HSDL1: variants seen among roughly 807,000 people sequenced by gnomAD.
The protein encoded by HSDL1 is inactive hydroxysteroid dehydrogenase-like protein 1.
A neutral mutation model predicts 31.5 loss-of-function variants in HSDL1; 29 were observed. The ratio of observed to expected loss-of-function variants is 0.92; its 90% CI spans 0.69 to 1.26. HSDL1 has a LOEUF of 1.26. Ranked by LOEUF, HSDL1 falls within the 50% of genes most tolerant of loss-of-function variation. HSDL1 has a pLI of 0.00. For synonymous variants in HSDL1, 222 were observed against 155.2 expected (o/e 1.43, Z -3.20); for missense variants, 503 against 416.6 (o/e 1.21, Z -1.81).
chr16:84,125,899 C>T (rs1317702880), intron 5 of HSDL1, among the ~76,000 whole-genome samples: 1 of 152,104 alleles, frequency 6.6e-6, no homozygotes, highest in Non-Finnish European at 1.5e-5. Flanking sequence ...GTCAGGAGAT[C>T]GAGACCATCC....
At chr16:84,133,281 A>G (rs1462474487) in intron 2 of HSDL1, among the ~76,000 whole-genome samples, 1 of 152,250 alleles carries the variant, frequency 6.6e-6, no homozygotes, top group African/African-American at 2.4e-5. Context: ...TACACAAGAA[A>G]TATGACTGAA....
chr16:84,131,449 C>CT, intron 2 of HSDL1, 122 bp from the exon 3 acceptor site: 3 of 682,906 alleles, frequency 4.4e-6, no homozygotes, highest in Non-Finnish European at 7.9e-6. Flanking sequence ...TCAAATAACA[C>CT]TAACTTTTCA....
At chr16:84,137,517 A>AG (rs2086723948) in intron 1 of HSDL1, among the ~76,000 whole-genome samples, 1 of 151,994 alleles carries the variant, frequency 6.6e-6, no homozygotes, top group Non-Finnish European at 1.5e-5. Context: ...GCAGGGGAGG[A>AG]GGGGGGCTCC....
rs908616375 is a variant in HSDL1, at chr16:84,124,190, G to A, written c.*440C>T. ...TTTCCTAATAGTACCAGCAATCTTA[G>A]TTACAAAATAATACTTTTCAGTAGT... On this transcript the variant is annotated 3_prime_UTR_variant, in exon 6 of 6. Coordinates refer to ENST00000219439, the MANE Select transcript of HSDL1 (RefSeq NM_031463.5). 3 of 164,642 alleles carry A rather than the reference G, an allele frequency of 1.8e-5. No homozygotes were observed. Among genetic ancestry groups the A allele is most frequent in the Admixed American group, 1.2e-4 (2 of 17,124 alleles). The allele number at this position is 164,642 out of a possible 1,614,324, so 10.2% of individuals were successfully genotyped here. A position where few individuals can be genotyped will look rare whatever the true frequency, so the allele number is the denominator to read the frequency against.
rs540043846 is a variant in HSDL1 at position 84,122,577 on chromosome 16, C to T, written c.*2053G>A. The T allele has an allele frequency of 3.3e-5, 5 of 152,308 alleles. No individual in the cohort carries two copies. The highest frequency in any genetic ancestry group is 1.2e-4 in the African/African-American group (5 of 41,542). 9.4% of individuals were successfully genotyped at this position (152,308 alleles called of 1,614,324 possible). Reference sequence around the variant, plus strand: ...GTGTTCCCCAGGCTGGTCTCGACCTCCTGGGATCAAGCGATCCACCTGCCC... The same window carrying T: ...GTGTTCCCCAGGCTGGTCTCGACCTTCTGGGATCAAGCGATCCACCTGCCC... On this transcript the variant is annotated 3_prime_UTR_variant, in exon 6 of 6. Transcript: ENST00000219439.
rs771354571 is a variant in HSDL1, at chr16:84,130,310, C to A, written c.342G>T (p.Thr114=). 10 of 1,614,104 alleles carry A rather than the reference C, an allele frequency of 6.2e-6. No individual in the cohort carries two copies. The highest frequency in any genetic ancestry group is 3.3e-4 in the Middle Eastern group (2 of 6,084). ...CTATAATATCAGTTTCCACTTTGTA[C>A]GTGTCGGCTATGTCTTTAGCAACAA... ...LQVVAKDIAD[T]YKVETDIIVA... is the part of the protein sequence containing the mutation. The change falls in exon 4 of 6, where the codon ACG becomes ACT. Residue 114 remains threonine, a synonymous_variant. Coordinates refer to ENST00000219439, the MANE Select transcript of HSDL1 (RefSeq NM_031463.5).
rs1422018680 is a variant in HSDL1 at position 84,129,616 on chromosome 16, C to T, written c.826G>A (p.Ala276Thr). The change falls in exon 5 of 6, where the codon GCA (alanine) becomes ACA (threonine). Residue 276 changes from alanine to threonine, a missense_variant. Coordinates refer to ENST00000219439, the MANE Select transcript of HSDL1 (RefSeq NM_031463.5). ...CCAAGAGTAGAAACAGCATGATGTG[C>T]ATAGACTTTTGGCGAAGGCACCAAC... ...SWLVPSPKVY[A>T]HHAVSTLGIS... 3 of 1,614,064 alleles carry T rather than the reference C, an allele frequency of 1.9e-6. No homozygotes were observed. Among genetic ancestry groups the T allele is most frequent in the African/African-American group, 2.7e-5 (2 of 74,916 alleles).
Position 84,130,337 on chromosome 16 carries a change from C to T in HSDL1, c.315G>A (p.Gln105=). 1 of 1,614,228 alleles carries T rather than the reference C, an allele frequency of 6.2e-7. No individual in the cohort carries two copies. The highest frequency in any genetic ancestry group is 8.5e-7 in the Non-Finnish European group (1 of 1,180,042). Residue 105 remains glutamine (Q), a synonymous_variant, in exon 4 of 6, where the codon CAG becomes CAA. Coordinates refer to ENST00000219439, the MANE Select transcript of HSDL1 (RefSeq NM_031463.5). Reference sequence around the variant, plus strand: ...TGTCGGCTATGTCTTTAGCAACAACCTGCAACTTCTCCTCGTTCCGACTAA... The same window carrying T: ...TGTCGGCTATGTCTTTAGCAACAACTTGCAACTTCTCCTCGTTCCGACTAA... ...ILISRNEEKL[Q]VVAKDIADTY...
chr16:84,131,376 G>GA, intron 2 of HSDL1, 49 bp from the exon 3 acceptor site: 3 of 1,316,386 alleles, frequency 2.3e-6, no homozygotes, highest in Non-Finnish European at 3.3e-6. Context: ...ATAAATTAAA[G>GA]GAACATACAC....
intron 1 of HSDL1, among the ~76,000 whole-genome samples, chr16:84,142,134 C>T (rs2086774513): frequency 6.6e-6 from 1 of 152,066 alleles, no homozygotes; most frequent in Non-Finnish European, 1.5e-5. Context: ...CACCATGTTG[C>T]CCAGGCTGGT....
At chr16:84,130,493 C>G in intron 3 of HSDL1, 62 bp from the exon 4 acceptor site, 3 of 1,350,752 alleles carry the variant, frequency 2.2e-6, no homozygotes, top group Non-Finnish European at 3.1e-6. Flanking sequence ...TAAAATGGAC[C>G]CAAAGTACCC....
At chr16:84,141,873 G>C (rs1399939500) in intron 1 of HSDL1, among the ~76,000 whole-genome samples, 2 of 151,920 alleles carry the variant, frequency 1.3e-5, no homozygotes, top group Admixed American at 6.6e-5. Flanking sequence ...AAATATTCTA[G>C]ATACTAGCTC....
Position 84,123,013 on chromosome 16 carries a change from C to T in HSDL1, c.*1617G>A, listed in dbSNP as rs1198822905. 3 of 152,228 alleles carry T rather than the reference C, an allele frequency of 2.0e-5. No homozygotes were observed. Among genetic ancestry groups the T allele is most frequent in the East Asian group, 3.8e-4 (2 of 5,206 alleles). 9.4% of individuals were successfully genotyped at this position (152,228 alleles called of 1,614,324 possible). A position where few individuals can be genotyped will look rare whatever the true frequency, so the allele number is the denominator to read the frequency against. On this transcript the variant is annotated 3_prime_UTR_variant, in exon 6 of 6. Coordinates refer to ENST00000219439, the MANE Select transcript of HSDL1 (RefSeq NM_031463.5). ...CATGAAGTTGCTGCTGCTTATTATACATCAAAGTTCACGTCAATGTGGCAT... is the reference window on the plus strand; with the variant it reads ...CATGAAGTTGCTGCTGCTTATTATATATCAAAGTTCACGTCAATGTGGCAT...
intron 1 of HSDL1, among the ~76,000 whole-genome samples, chr16:84,142,203 C>T (rs1414645343): frequency 6.6e-6 from 1 of 152,092 alleles, no homozygotes; most frequent in African/African-American, 2.4e-5. Context: ...GCTGGGATTA[C>T]AGGTGGGAGC....
In HSDL1 at chr16:84,122,931, A is replaced by G. The variant is rs370727030; in HGVS notation, c.*1699T>C. ...GATGGATTCCATACCTAATTTATCA[A>G]TCTAAGACATTACTGGACCACGTAA... On this transcript the variant is annotated 3_prime_UTR_variant, in exon 6 of 6. Coordinates refer to ENST00000219439, the MANE Select transcript of HSDL1 (RefSeq NM_031463.5). 2.6e-5 allele frequency: 4 copies of G among 152,136 alleles called. No individual in the cohort carries two copies. Among genetic ancestry groups the G allele is most frequent in the South Asian group, 4.1e-4 (2 of 4,826 alleles). 9.4% of individuals were successfully genotyped at this position (152,136 alleles called of 1,614,324 possible).
chr16:84,127,337 T>G (rs1477080780), intron 5 of HSDL1, among the ~76,000 whole-genome samples: 1 of 147,100 alleles, frequency 6.8e-6, no homozygotes, highest in Non-Finnish European at 1.5e-5. Context: ...TGCCTCAGAC[T>G]CCCAGGTAGC....
chr16:84,126,758 A>G (rs905006985), intron 5 of HSDL1, among the ~76,000 whole-genome samples: 11 of 152,154 alleles, frequency 7.2e-5, no homozygotes, highest in African/African-American at 2.7e-4. Flanking sequence ...ACACTCACGC[A>G]CTTTGTGAAC....
Position 84,135,544 on chromosome 16 carries a change from C to T in HSDL1, c.-7G>A, listed in dbSNP as rs1400331457. 1 of 152,210 alleles carries T rather than the reference C, an allele frequency of 6.6e-6. No individual in the cohort carries two copies. Among genetic ancestry groups the T allele is most frequent in the Non-Finnish European group, 1.5e-5 (1 of 68,048 alleles). The allele number at this position is 152,210 out of a possible 1,614,324, so 9.4% of individuals were successfully genotyped here. A position where few individuals can be genotyped will look rare whatever the true frequency, so the allele number is the denominator to read the frequency against. The stretch of plus-strand genomic sequence containing the variant: ...CGTTCCCTGCCCTGGGGTCTCTTAC[C>T]TTCTCTCTGCCAGTTCTGGGCCGTC... On this transcript the variant is annotated splice_region_variant and 5_prime_UTR_variant, in exon 2 of 6. Coordinates refer to ENST00000219439, the MANE Select transcript of HSDL1 (RefSeq NM_031463.5).
chr16:84,130,396 C>G lies in HSDL1; in HGVS notation c.256G>C (p.Glu86Gln). 6.2e-7 allele frequency: 1 copy of G among 1,613,066 alleles called. No individual in the cohort carries two copies. Among genetic ancestry groups the G allele is most frequent in the Non-Finnish European group, 8.5e-7 (1 of 1,179,774 alleles). ...TDGIGKAYAE[E>Q]LASRGLNIIL... The stretch of plus-strand genomic sequence containing the variant: ...ATATTGAGACCTCGGCTTGCTAACT[C>G]TTCAGCGTAGGCTTTTCCAATCCCA... The change falls in exon 4 of 6, where the codon GAG becomes CAG. Residue 86 changes from glutamate (E) to glutamine (Q), a missense_variant. By Grantham distance (29) the Glu-to-Gln change is conservative. Coordinates refer to ENST00000219439, the MANE Select transcript of HSDL1 (RefSeq NM_031463.5).
Sources: allele counts gnomAD v4.1 joint callset (sites outside exome capture counted in the v4.1 genomes callset), GRCh38; gene constraint gnomAD v4.1.1; transcripts MANE v1.5; gene names NCBI Gene and HGNC (gene_info 2026-07-23, HGNC 2026-07-21).